Variants in DSCAM observed in about 807,000 individuals in gnomAD.
DSCAM encodes DS cell adhesion molecule.
In DSCAM, 47 loss-of-function variants were observed where a neutral mutation model predicts 217.7. That is an observed-to-expected ratio of 0.22 (90% CI 0.17 to 0.28). The LOEUF is 0.28. Ranked by LOEUF, DSCAM falls within the 10% of genes least tolerant of loss-of-function variation. DSCAM has a pLI of 1.00. For missense variants in DSCAM, 2,080 were observed against 2,618.3 expected (o/e 0.79, Z 4.49); for synonymous variants, 1,056 against 1,015.3 (o/e 1.04, Z -0.76).
intron 3 of DSCAM, among the ~76,000 whole-genome samples, chr21:40,686,384 A>C (rs2090478404): frequency 1.3e-5 from 2 of 150,784 alleles, no homozygotes; most frequent in East Asian, 2.0e-4. Context: ...CACACATACA[A>C]ACACACATCA....
At position 40,823,320 on chromosome 21, in the gene DSCAM, G is replaced by A. The variant is rs193066757; in HGVS notation, c.43+23299C>T. 1.1e-3 allele frequency among the ~76,000 whole-genome samples: 165 copies of A among 151,896 alleles called. 2 individuals carry two copies. In the East Asian group the frequency reaches 0.022, roughly 21 times the overall value. The stretch of plus-strand genomic sequence containing the variant: ...AAAAAAAACCATTAAGCTGCTCAAC[G>A]AAAAAGTGAGGCTGCAGATGTGAAA... On this transcript the variant is annotated intron_variant, in intron 1 of 32. Transcript: ENST00000400454.
At chr21:40,791,015 A>G (rs1464310509) in intron 1 of DSCAM, among the ~76,000 whole-genome samples, 1 of 151,918 alleles carries the variant, frequency 6.6e-6, no homozygotes, top group Non-Finnish European at 1.5e-5. Context: ...CATCTCTACT[A>G]AAAATAAAAA....
intron 3 of DSCAM, among the ~76,000 whole-genome samples, chr21:40,643,268 G>A (rs2089905012): frequency 6.6e-6 from 1 of 152,166 alleles, no homozygotes; most frequent in Admixed American, 6.5e-5. Context: ...TGGCCTTCAG[G>A]AAGGGGCCTG....
intron 1 of DSCAM, among the ~76,000 whole-genome samples, chr21:40,782,244 C>T (rs1161715701): frequency 2.0e-5 from 3 of 152,066 alleles, no homozygotes; most frequent in Admixed American, 6.5e-5. Flanking sequence ...TCTCCAAGCC[C>T]AACTCCAATG....
chr21:40,153,045 T>C (rs2090440694), intron 16 of DSCAM, among the ~76,000 whole-genome samples: 1 of 152,246 alleles, frequency 6.6e-6, no homozygotes, highest in African/African-American at 2.4e-5. Flanking sequence ...TATAGATTCC[T>C]CCAAATCCAC....
chr21:40,013,435 T>C, intron 32 of DSCAM, 49 bp from the exon 33 acceptor site: 1 of 1,378,524 alleles, frequency 7.3e-7, no homozygotes, highest in Non-Finnish European at 9.8e-7. Context: ...TTGGTAAACA[T>C]GGGCAGAATG....
chr21:40,753,236 C>T (rs2091246005), intron 1 of DSCAM, among the ~76,000 whole-genome samples: 1 of 152,184 alleles, frequency 6.6e-6, no homozygotes, highest in African/African-American at 2.4e-5. Flanking sequence ...ATTCCTTGGT[C>T]TGTTAGTTCC....
chr21:40,091,065 C>T (rs568090048), intron 21 of DSCAM, among the ~76,000 whole-genome samples: 106 of 152,244 alleles, frequency 7.0e-4, no homozygotes, highest in African/African-American at 2.0e-3. Flanking sequence ...AAAGCACACC[C>T]GCCATTAGTT....
intron 3 of DSCAM, among the ~76,000 whole-genome samples, chr21:40,377,540 A>G (rs952881270): frequency 3.3e-5 from 5 of 151,994 alleles, no homozygotes; most frequent in Non-Finnish European, 5.9e-5. Context: ...GAGTTGGGGT[A>G]GGGGAGATTC....
intron 3 of DSCAM, among the ~76,000 whole-genome samples, chr21:40,512,391 A>T (rs936624046): frequency 6.6e-6 from 1 of 152,132 alleles, no homozygotes; most frequent in African/African-American, 2.4e-5. Context: ...TATCTCTATT[A>T]CTTCACGTCA....
At chr21:40,508,036 G>A (rs958284805) in intron 3 of DSCAM, among the ~76,000 whole-genome samples, 1 of 152,164 alleles carries the variant, frequency 6.6e-6, no homozygotes, top group African/African-American at 2.4e-5. Flanking sequence ...ATTTTCCTAA[G>A]TGGAGCCACC....
At chr21:40,090,831 T>A (rs968675418) in intron 21 of DSCAM, among the ~76,000 whole-genome samples, 3 of 152,204 alleles carry the variant, frequency 2.0e-5, no homozygotes, top group Non-Finnish European at 4.4e-5. Context: ...TCTGAGTGAA[T>A]GGCTCTTCGT....
chr21:40,197,988 T>C (rs1188922324), intron 11 of DSCAM, among the ~76,000 whole-genome samples: 1 of 152,190 alleles, frequency 6.6e-6, no homozygotes, highest in African/African-American at 2.4e-5. Context: ...ACAGCCTGAC[T>C]GTCTTCAAGC....
In DSCAM at chr21:40,811,827, A is replaced by G. The variant is rs145482393; in HGVS notation, c.43+34792T>C. On this transcript the variant is annotated intron_variant, in intron 1 of 32. Transcript: ENST00000400454. ...GCTGAGTAGATTGCGTTGAAGACCT[A>G]TGGGGTCCCATATGGGATAGGCACC... Among the ~76,000 whole-genome samples the G allele has an allele frequency of 2.0e-4, 30 of 152,290 alleles. 1 individual carries two copies. In the East Asian group the frequency reaches 5.8e-3, roughly 29 times the overall value.
In DSCAM at chr21:40,442,905, T is replaced by C. The variant is rs916584617; in HGVS notation, c.509-73660A>G. On this transcript the variant is annotated intron_variant, in intron 3 of 32. Transcript: ENST00000400454. Reference sequence around the variant, plus strand: ...GATACATCTGTGAACCTTGTCTCTCTTCCCCGGTACATGTGTTCATGTGTA... The same window carrying C: ...GATACATCTGTGAACCTTGTCTCTCCTCCCCGGTACATGTGTTCATGTGTA... Among the ~76,000 whole-genome samples, 16 of 152,202 alleles carry C rather than the reference T, an allele frequency of 1.1e-4. 1 individual carries two copies. The highest frequency in any genetic ancestry group is 1.0e-3 in the Admixed American group (16 of 15,286).
chr21:40,122,015 G>T (rs1045399185), intron 20 of DSCAM, among the ~76,000 whole-genome samples: 1 of 152,070 alleles, frequency 6.6e-6, no homozygotes, highest in African/African-American at 2.4e-5. Context: ...TCCCTTTTGA[G>T]AGTGTGTTGT....
chr21:40,692,379 C>T (rs1273337293), intron 3 of DSCAM, among the ~76,000 whole-genome samples: 1 of 152,170 alleles, frequency 6.6e-6, no homozygotes, highest in East Asian at 1.9e-4. Flanking sequence ...AGAGATACAA[C>T]ATAACTCTCA....
At chr21:40,512,175 T>G (rs576442408) in intron 3 of DSCAM, among the ~76,000 whole-genome samples, 65 of 152,164 alleles carry the variant, frequency 4.3e-4, no homozygotes, top group African/African-American at 1.2e-3. Context: ...CAATTATGCA[T>G]GATTCAGCGA....
rs77288116 is a variant in DSCAM at position 40,540,455 on chromosome 21, A to G, written c.508+152355T>C. Among the ~76,000 whole-genome samples, 312 of 152,112 alleles carry G rather than the reference A, an allele frequency of 2.1e-3. 2 individuals carry two copies. Among genetic ancestry groups the G allele is most frequent in the African/African-American group, 7.1e-3 (296 of 41,490 alleles). On this transcript the variant is annotated intron_variant, in intron 3 of 32. Coordinates refer to ENST00000400454, the MANE Select transcript of DSCAM (RefSeq NM_001389.5). ...TACGTCCCTCCATGCCCCTCCTCAC[A>G]CTGCGCTGTGAATCTCTGGAGGATG... is the stretch of plus-strand genomic sequence containing the variant.
Sources: allele counts gnomAD v4.1 joint callset (sites outside exome capture counted in the v4.1 genomes callset), GRCh38; gene constraint gnomAD v4.1.1; transcripts MANE v1.5; gene names NCBI Gene and HGNC (gene_info 2026-07-23, HGNC 2026-07-21).